CHST3: variants seen among roughly 807,000 people sequenced by gnomAD.
The protein encoded by CHST3 is C6ST-1.
A neutral mutation model predicts 35.4 loss-of-function variants in CHST3; 20 were observed. The observed-to-expected ratio is 0.57, with a 90% CI of 0.40 to 0.82. The LOEUF (loss-of-function observed/expected upper bound fraction) is 0.82, where lower values mean the gene tolerates loss of function less well. Ranked by LOEUF, CHST3 falls within the 40% of genes least tolerant of loss-of-function variation. CHST3 has a pLI of 0.00. For synonymous variants in CHST3, 334 were observed against 295.9 expected (o/e 1.13, Z -1.32); for missense variants, 693 against 670.1 (o/e 1.03, Z -0.38).
chr10:71,972,930 A>G (rs1839709581), intron 1 of CHST3, among the ~76,000 whole-genome samples: 1 of 152,168 alleles, frequency 6.6e-6, no homozygotes, highest in South Asian at 2.1e-4. Flanking sequence ...TTGCTGGTTC[A>G]GTGATCTGTG....
chr10:71,993,050 G>A (rs763104731), intron 1 of CHST3, among the ~76,000 whole-genome samples: 1 of 152,156 alleles, frequency 6.6e-6, no homozygotes, highest in Non-Finnish European at 1.5e-5. Context: ...ACACAAATTT[G>A]TAAATTTTCT....
In CHST3 at chr10:72,008,177, C is replaced by T; in HGVS notation, c.1146C>T (p.Ala382=). ...TGGCACGCGGGCCGCTGCAGAAGGC[C>T]CGCGAGATGTACCGCTTCGCCGGCA... is the stretch of plus-strand genomic sequence containing the variant. ...EDVARGPLQK[A]REMYRFAGIP... is the part of the protein sequence containing the mutation. Residue 382 remains alanine (A), a synonymous_variant, in exon 3 of 3, where the codon GCC becomes GCT. Transcript: ENST00000373115. The T allele has an allele frequency of 6.5e-7, 1 of 1,549,236 alleles. No individual in the cohort carries two copies. Among genetic ancestry groups the T allele is most frequent in the Non-Finnish European group, 8.7e-7 (1 of 1,146,644 alleles).
chr10:71,993,038 C>T (rs1425286504), intron 1 of CHST3, among the ~76,000 whole-genome samples: 1 of 152,184 alleles, frequency 6.6e-6, no homozygotes, highest in Non-Finnish European at 1.5e-5. Flanking sequence ...GAATGTGGCC[C>T]AACACAAATT....
chr10:72,005,517 A>C (rs997147790), intron 1 of CHST3, among the ~76,000 whole-genome samples: 2 of 152,138 alleles, frequency 1.3e-5, no homozygotes, highest in African/African-American at 2.4e-5. Context: ...TCAAGGGAGA[A>C]ACTGATGGAG....
At chr10:71,975,626 G>A (rs568679771) in intron 1 of CHST3, among the ~76,000 whole-genome samples, 1 of 152,366 alleles carries the variant, frequency 6.6e-6, no homozygotes, top group African/African-American at 2.4e-5. Flanking sequence ...TCTCTTCTCT[G>A]GAAGGAGCAC....
chr10:72,000,121 G>C (rs1000806698), intron 1 of CHST3, among the ~76,000 whole-genome samples: 1 of 127,562 alleles, frequency 7.8e-6, no homozygotes, highest in Non-Finnish European at 1.8e-5. Context: ...AGCCACTCAT[G>C]TATGGAGCAA....
chr10:71,997,737 C>T (rs974981333), intron 1 of CHST3, among the ~76,000 whole-genome samples: 11 of 145,388 alleles, frequency 7.6e-5, no homozygotes, highest in Non-Finnish European at 1.5e-4. Context: ...TCTCGGCGCA[C>T]TGCAACCTCC....
chr10:71,993,171 T>A (rs986308022), intron 1 of CHST3, among the ~76,000 whole-genome samples: 2 of 152,188 alleles, frequency 1.3e-5, no homozygotes, highest in African/African-American at 4.8e-5. Flanking sequence ...TCTTCCAGTG[T>A]GGCCCAGGAA....
In CHST3 at chr10:72,008,649, ACAGTGC is replaced by A; in HGVS notation, c.*180_*185del. ...CCCAGGGTTAATTGCGGAGAACAGG[ACAGTGC>A]CCGGTCCCCTTGAGGGCCATCACAC... is the stretch of plus-strand genomic sequence containing the variant. On this transcript the variant is annotated 3_prime_UTR_variant, in exon 3 of 3. Coordinates refer to ENST00000373115, the MANE Select transcript of CHST3 (RefSeq NM_004273.5). The A allele has an allele frequency of 1.5e-6, 2 of 1,321,846 alleles. No homozygotes were observed. Among genetic ancestry groups the A allele is most frequent in the South Asian group, 1.6e-5 (1 of 61,522 alleles). The allele number at this position is 1,321,846 out of a possible 1,614,324, so 81.9% of individuals were successfully genotyped here.
rs1038474185 is a variant in CHST3, at chr10:72,007,051, C to G, written c.141-121C>G. 1.3e-5 allele frequency: 14 copies of G among 1,102,984 alleles called. No homozygotes were observed. In the African/African-American group the frequency reaches 1.9e-4, roughly 15 times the overall value. The allele number at this position is 1,102,984 out of a possible 1,614,324, so 68.3% of individuals were successfully genotyped here. A position where few individuals can be genotyped will look rare whatever the true frequency, so the allele number is the denominator to read the frequency against. The stretch of plus-strand genomic sequence containing the variant: ...TAAACACAAATCCTTGCCTCAACGT[C>G]TGCTTTTGGGGAAACCCAACTGAGA... On this transcript the variant is annotated intron_variant, in intron 2 of 2. Coordinates refer to ENST00000373115, the MANE Select transcript of CHST3 (RefSeq NM_004273.5).
At chr10:71,972,357 G>A (rs550016741) in intron 1 of CHST3, among the ~76,000 whole-genome samples, 5 of 152,196 alleles carry the variant, frequency 3.3e-5, no homozygotes, top group African/African-American at 7.2e-5. Flanking sequence ...ATGTCATTGC[G>A]TTCTGACTGG....
At chr10:71,986,934 C>G (rs1022144176) in intron 1 of CHST3, among the ~76,000 whole-genome samples, 1 of 152,190 alleles carries the variant, frequency 6.6e-6, no homozygotes, top group African/African-American at 2.4e-5. Context: ...TCACAACAAC[C>G]CTGTGGGGCC....
intron 1 of CHST3, among the ~76,000 whole-genome samples, chr10:71,969,795 G>T (rs887059626): frequency 6.6e-6 from 1 of 152,202 alleles, no homozygotes; most frequent in Non-Finnish European, 1.5e-5. Flanking sequence ...GTAGTCAGAT[G>T]CTGGGTGAAG....
At chr10:71,992,880 T>C (rs1839910751) in intron 1 of CHST3, among the ~76,000 whole-genome samples, 1 of 151,990 alleles carries the variant, frequency 6.6e-6, no homozygotes, top group Non-Finnish European at 1.5e-5. Flanking sequence ...CAGGCTGGTC[T>C]TGAACTCCTG....
chr10:71,966,424 G>A (rs1839632717), intron 1 of CHST3, among the ~76,000 whole-genome samples: 1 of 152,200 alleles, frequency 6.6e-6, no homozygotes. Context: ...TGGATTGCCA[G>A]TAGTCTTGGG....
chr10:72,013,085 C>A lies in CHST3; in HGVS notation c.*4614C>A, dbSNP rs977340062. ...CAATGACCCATGTGGTCTGCGTCTT[C>A]TGCCATTGGCTTGAACTGGGCACCC... is the stretch of plus-strand genomic sequence containing the variant. On this transcript the variant is annotated 3_prime_UTR_variant, in exon 3 of 3. Transcript: ENST00000373115. The A allele has an allele frequency of 5.3e-5, 8 of 152,278 alleles. No individual in the cohort carries two copies. The highest frequency in any genetic ancestry group is 1.9e-4 in the African/African-American group (8 of 41,440). 9.4% of individuals were successfully genotyped at this position (152,278 alleles called of 1,614,324 possible). A position where few individuals can be genotyped will look rare whatever the true frequency, so the allele number is the denominator to read the frequency against.
chr10:72,006,515 A>C (rs1840039969), intron 2 of CHST3, among the ~76,000 whole-genome samples: 1 of 152,184 alleles, frequency 6.6e-6, no homozygotes, highest in Non-Finnish European at 1.5e-5. Context: ...CAAGGCTGCC[A>C]ATGTGCAGCT....
chr10:71,991,486 C>A (rs1564528222), intron 1 of CHST3, among the ~76,000 whole-genome samples: 1 of 152,186 alleles, frequency 6.6e-6, no homozygotes, highest in East Asian at 1.9e-4. Flanking sequence ...ACCCCAAAAC[C>A]TTTTGTGGGG....
At chr10:72,005,577 A>T (rs1388766020) in intron 1 of CHST3, among the ~76,000 whole-genome samples, 159 bp from the exon 2 acceptor site, 1 of 152,104 alleles carries the variant, frequency 6.6e-6, no homozygotes, top group African/African-American at 2.4e-5. Flanking sequence ...TGACCTATTA[A>T]AGAGACCTTC....
Sources: allele counts gnomAD v4.1 joint callset (sites outside exome capture counted in the v4.1 genomes callset), GRCh38; gene constraint gnomAD v4.1.1; transcripts MANE v1.5; gene names NCBI Gene and HGNC (gene_info 2026-07-23, HGNC 2026-07-21).